STK10: variants seen among roughly 807,000 people sequenced by gnomAD.
STK10 encodes serine/threonine kinase 10.
In STK10, 78 loss-of-function variants were observed where a neutral mutation model predicts 113.8. The ratio of observed to expected loss-of-function variants is 0.69; its 90% CI spans 0.57 to 0.83. The LOEUF is 0.83. Ranked by LOEUF, STK10 falls within the 40% of genes least tolerant of loss-of-function variation. The pLI is 0.00. For missense variants in STK10, 1,109 were observed against 1,280.1 expected (o/e 0.87, Z 2.04); for synonymous variants, 465 against 494.7 (o/e 0.94, Z 0.80).
intron 1 of STK10, among the ~76,000 whole-genome samples, chr5:172,176,349 T>C (rs1358882151): frequency 1.3e-5 from 2 of 152,088 alleles, no homozygotes; most frequent in Non-Finnish European, 2.9e-5. Flanking sequence ...TGCCCTAGAC[T>C]CTTTCATGCC....
At chr5:172,130,933 GAAAAC>G (rs138334392) in intron 2 of STK10, among the ~76,000 whole-genome samples, 31,421 of 150,970 alleles carry the variant, frequency 0.21, 3,326 homozygotes, top group Non-Finnish European at 0.25. Context: ...GATTCCTAGG[GAAAAC>G]AAAACAAAAC....
intron 2 of STK10, among the ~76,000 whole-genome samples, chr5:172,135,603 G>A (rs1396730141): frequency 1.3e-5 from 2 of 152,116 alleles, no homozygotes; most frequent in Non-Finnish European, 2.9e-5. Context: ...AAAATGTGCA[G>A]TCCAGGCACT....
At chr5:172,085,668 G>A (rs1018732507) in intron 10 of STK10, among the ~76,000 whole-genome samples, 1 of 147,692 alleles carries the variant, frequency 6.8e-6, no homozygotes, top group African/African-American at 2.5e-5. Context: ...CAGCCTGGGC[G>A]ACAGAGTGAG....
chr5:172,093,648 C>G lies in STK10; in HGVS notation c.1318G>C (p.Ala440Pro). 1 of 1,614,266 alleles carries G rather than the reference C, an allele frequency of 6.2e-7. No individual in the cohort carries two copies. The highest frequency in any genetic ancestry group is 8.5e-7 in the Non-Finnish European group (1 of 1,180,044). ...VAEQGGDLSP[A>P]ANRSQKASQS... is the part of the protein sequence containing the mutation. ...CTGGCCTTTTGAGATCTGTTGGCTG[C>G]TGGGCTGAGGTCCCCACCCTGCTCA... is the stretch of plus-strand genomic sequence containing the variant. Residue 440 changes from alanine (A) to proline (P), a missense_variant, in exon 9 of 19, where the codon GCA becomes CCA. Ala to Pro is a conservative substitution (Grantham distance 27). Transcript: ENST00000176763. The surrounding 1 kb of genome is among the most constrained non-coding windows in gnomAD (Gnocchi z 4.1).
At chr5:172,146,713 T>A (rs1770095088) in intron 2 of STK10, among the ~76,000 whole-genome samples, 1 of 152,208 alleles carries the variant, frequency 6.6e-6, no homozygotes, top group Non-Finnish European at 1.5e-5. Context: ...AAGGTGTGGA[T>A]GTATAAAGGG....
chr5:172,105,566 C>G, intron 7 of STK10, 90 bp downstream of exon 7: 1 of 1,352,030 alleles, frequency 7.4e-7, no homozygotes, highest in East Asian at 2.3e-5. Context: ...GTTCCCTGGG[C>G]GGGGTGAGAA....
intron 7 of STK10, among the ~76,000 whole-genome samples, chr5:172,099,853 T>G (rs1329637798): frequency 1.3e-5 from 2 of 152,222 alleles, no homozygotes; most frequent in Non-Finnish European, 2.9e-5. Flanking sequence ...GGGCACCCCA[T>G]GTATTGATCA....
chr5:172,180,444 G>T (rs111828009), intron 1 of STK10, among the ~76,000 whole-genome samples: 3,042 of 151,036 alleles, frequency 0.02, 41 homozygotes, highest in Non-Finnish European at 0.031. Context: ...CAGCCTGGGC[G>T]ACAGAGCAAG....
Position 172,045,039 on chromosome 5 carries a change from A to G in STK10, c.2767-17T>C. 1 of 1,613,474 alleles carries G rather than the reference A, an allele frequency of 6.2e-7. No homozygotes were observed. The highest frequency in any genetic ancestry group is 2.2e-5 in the East Asian group (1 of 44,850). On this transcript the variant is annotated splice_polypyrimidine_tract_variant and intron_variant, in intron 18 of 18. Coordinates refer to ENST00000176763, the MANE Select transcript of STK10 (RefSeq NM_005990.4). ...TTCCAGAGCCTAGGGAAGAGAGAGG[A>G]TGGATGGCACTTGGTGAGATCTGCA...
intron 1 of STK10, 23 bp from the exon 2 acceptor site, chr5:172,156,811 G>C (rs1205752139): frequency 1.9e-6 from 3 of 1,602,038 alleles, no homozygotes; most frequent in Non-Finnish European, 2.6e-6. Context: ...GATACAGGAG[G>C]TCAACAAGGC....
chr5:172,134,648 C>T (rs1056846858), intron 2 of STK10, among the ~76,000 whole-genome samples: 8 of 151,078 alleles, frequency 5.3e-5, no homozygotes, highest in Admixed American at 4.6e-4. Flanking sequence ...ATGGCTCACG[C>T]CTGTAATCTC....
intron 4 of STK10, chr5:172,114,484 T>A (rs1233363158): frequency 1.4e-4 from 12 of 88,760 alleles, no homozygotes; most frequent in African/African-American, 4.3e-4. Context: ...TTTTTTTTTT[T>A]TTTTTTTTTT....
chr5:172,154,857 C>T (rs1229980697), intron 2 of STK10, among the ~76,000 whole-genome samples: 1 of 152,092 alleles, frequency 6.6e-6, no homozygotes, highest in Non-Finnish European at 1.5e-5. Context: ...AAGCAACAAC[C>T]TCACAGAATG....
chr5:172,156,489 A>G (rs1172056731), intron 2 of STK10, 135 bp downstream of exon 2: 24 of 1,170,178 alleles, frequency 2.1e-5, no homozygotes, highest in Non-Finnish European at 2.3e-5. Context: ...GGAGCTCCCT[A>G]CTTCACCATC....
intron 2 of STK10, among the ~76,000 whole-genome samples, chr5:172,150,685 T>C (rs4868145): frequency 0.41 from 62,515 of 151,688 alleles, 13,055 homozygotes; most frequent in African/African-American, 0.5. Flanking sequence ...AGCCCAGGAC[T>C]ACAAGCCACA....
chr5:172,106,401 C>CAAATAAAAAAAAAAAAAAAA (rs1769107639), intron 6 of STK10, among the ~76,000 whole-genome samples: 1 of 53,442 alleles, frequency 1.9e-5, no homozygotes, highest in African/African-American at 5.5e-5. Flanking sequence ...GACCCTATCT[C>CAAATAAAAAAAAAAAAAAAA]AAAAAAAAAA....
At chr5:172,089,407 T>TGGATGGATGGATGGATGGATGGAA (rs1768638415) in intron 10 of STK10, among the ~76,000 whole-genome samples, 1 of 147,256 alleles carries the variant, frequency 6.8e-6, no homozygotes, top group African/African-American at 2.6e-5. Context: ...GATGGATGGA[T>TGGATGGATGGATGGATGGATGGAA]GGATGGATGG....
At chr5:172,183,455 A>AC (rs1770897712) in intron 1 of STK10, among the ~76,000 whole-genome samples, 1 of 138,106 alleles carries the variant, frequency 7.2e-6, no homozygotes, top group Admixed American at 7.1e-5. Flanking sequence ...TGTAAACTTT[A>AC]CTTTTTTTTT....
intron 10 of STK10, 107 bp from the exon 11 acceptor site, chr5:172,083,191 C>T (rs1308913988): frequency 6.8e-7 from 1 of 1,476,894 alleles, no homozygotes; most frequent in Non-Finnish European, 9.3e-7. Flanking sequence ...CAAAATCACA[C>T]AAGTCTGGGG....
Sources: allele counts gnomAD v4.1 joint callset (sites outside exome capture counted in the v4.1 genomes callset), GRCh38; gene constraint gnomAD v4.1.1; non-coding constraint Gnocchi (gnomAD v3.1); transcripts MANE v1.5; gene names NCBI Gene and HGNC (gene_info 2026-07-23, HGNC 2026-07-21).